Variants in NCLN observed in about 807,000 individuals in gnomAD.
NCLN encodes nicalin, also known as BOS complex subunit NCLN.
A neutral mutation model predicts 69.5 loss-of-function variants in NCLN; 34 were observed. The observed-to-expected ratio is 0.49, with a 90% confidence interval of 0.37 to 0.65. NCLN has a LOEUF of 0.65. NCLN is among the 30% of genes least tolerant of loss of function. NCLN has a pLI of 0.00. For missense variants in NCLN, 710 were observed against 804.8 expected, an observed-to-expected ratio of 0.88 and a Z score of 1.42; for synonymous variants, 393 against 358.3, an observed-to-expected ratio of 1.10 and a Z score of -1.09.
chr19:3,194,751 T>TC (rs991356838), intron 3 of NCLN, among the ~76,000 whole-genome samples: 11 of 151,230 alleles, frequency 7.3e-5, no homozygotes, highest in African/African-American at 2.7e-4. Flanking sequence ...CTTCTTTTTT[T>TC]TTTTTTTTTT....
intron 1 of NCLN, among the ~76,000 whole-genome samples, chr19:3,190,502 T>G (rs1376741508): frequency 6.6e-6 from 1 of 152,186 alleles, no homozygotes; most frequent in Non-Finnish European, 1.5e-5. Context: ...GACAGCACAT[T>G]GCTGGACACA....
At chr19:3,198,617 G>T (rs1916037281) in intron 4 of NCLN, among the ~76,000 whole-genome samples, 200 bp from the exon 5 acceptor site, 1 of 152,138 alleles carries the variant, frequency 6.6e-6, no homozygotes, top group African/African-American at 2.4e-5. Flanking sequence ...CCTGTTCCCG[G>T]CTCTACCTCC....
chr19:3,186,239 G>A, intron 1 of NCLN, 25 bp downstream of exon 1: 1 of 1,429,432 alleles, frequency 7.0e-7, no homozygotes, highest in East Asian at 3.0e-5. Context: ...CCCACCCTCG[G>A]GGCTCCCCGG....
rs148342909 is a variant in NCLN, at chr19:3,186,900, C to A, written c.184+686C>A. ...TTCTCGCTCTAGTCACCGGCCCCCA[C>A]GTCAAGGGCACATTTGTCCCCAGAC... is the stretch of plus-strand genomic sequence containing the variant. On this transcript the variant is annotated intron_variant, in intron 1 of 14. Coordinates refer to ENST00000246117, the MANE Select transcript of NCLN (RefSeq NM_020170.4). 1.1e-3 allele frequency among the ~76,000 whole-genome samples: 174 copies of A among 152,184 alleles called. 1 individual carries two copies. The highest frequency in any genetic ancestry group is 0.01 in the South Asian group (49 of 4,818).
chr19:3,199,482 G>A (rs971139110), intron 5 of NCLN, among the ~76,000 whole-genome samples: 8 of 152,332 alleles, frequency 5.3e-5, no homozygotes, highest in Middle Eastern at 3.4e-3. Flanking sequence ...TCCAGACTCC[G>A]GAGGGAAGCA....
Position 3,201,645 on chromosome 19 carries a change from A to C in NCLN, c.800+19A>C. 2.2e-5 allele frequency: 15 copies of C among 670,028 alleles called. No individual in the cohort carries two copies. The highest frequency in any genetic ancestry group is 5.1e-5 in the East Asian group (1 of 19,690). 41.5% of individuals were successfully genotyped at this position (670,028 alleles called of 1,614,324 possible). A position where few individuals can be genotyped will look rare whatever the true frequency, so the allele number is the denominator to read the frequency against. On this transcript the variant is annotated intron_variant, in intron 6 of 14. Transcript: ENST00000246117. ...ACGCCGCGTGAGTGCCGGGGTGGGC[A>C]GGGGGATGGGGGTGCGGGGGCCACA...
At chr19:3,201,427 G>A (rs538597349) in intron 5 of NCLN, 96 bp from the exon 6 acceptor site, 2 of 824,370 alleles carry the variant, frequency 2.4e-6, no homozygotes, top group South Asian at 3.2e-5. Context: ...TAGGGTGGGG[G>A]TGACGGAGAG....
At chr19:3,206,481 C>T (rs1916275804) in intron 12 of NCLN, 56 bp downstream of exon 12, 30 of 1,501,162 alleles carry the variant, frequency 2.0e-5, no homozygotes, top group Non-Finnish European at 2.6e-5. Flanking sequence ...GGGGACCTCC[C>T]CCTACTGCAT....
chr19:3,201,656 G>A (rs1371653534), intron 6 of NCLN, 30 bp downstream of exon 6: 4 of 1,445,624 alleles, frequency 2.8e-6, no homozygotes, highest in Non-Finnish European at 3.7e-6. Flanking sequence ...GGGGGATGGG[G>A]GTGCGGGGGC....
intron 5 of NCLN, among the ~76,000 whole-genome samples, chr19:3,200,312 A>T (rs867402685): frequency 0.012 from 1,568 of 126,828 alleles, 24 homozygotes; most frequent in Middle Eastern, 0.017. Flanking sequence ...TTATTTATGT[A>T]TTTTTTTTTT....
intron 4 of NCLN, among the ~76,000 whole-genome samples, chr19:3,198,061 C>T (rs1013385690): frequency 7.9e-5 from 12 of 152,206 alleles, no homozygotes; most frequent in Non-Finnish European, 1.3e-4. Flanking sequence ...TCTGCTGGCC[C>T]CCGGGCTAGA....
intron 4 of NCLN, among the ~76,000 whole-genome samples, chr19:3,198,194 C>G (rs927399585): frequency 2.6e-5 from 4 of 152,180 alleles, no homozygotes; most frequent in Non-Finnish European, 4.4e-5. Context: ...CTGAGGGGCT[C>G]AGCCCCGTTC....
rs1599360275 is a variant in NCLN, at chr19:3,206,316, C to T, written c.1390C>T (p.Arg464Trp). The stretch of plus-strand genomic sequence containing the variant: ...GATGGACTGGCTCACCAACCAGCCG[C>T]GGGCCGCGCAGCTGGTGGACAAGGA... ...SVMDWLTNQP[R>W]AAQLVDKDST... is the part of the protein sequence containing the mutation. Residue 464 changes from arginine to tryptophan, a missense_variant, in exon 12 of 15, where the codon CGG (arginine) becomes TGG (tryptophan). Physicochemically the swap from Arg to Trp is moderately radical, Grantham distance 101. Transcript: ENST00000246117. 7 of 1,548,276 alleles carry T rather than the reference C, an allele frequency of 4.5e-6. No individual in the cohort carries two copies. The highest frequency in any genetic ancestry group is 1.2e-5 in the South Asian group (1 of 83,980).
Position 3,204,613 on chromosome 19 carries a change from T to C in NCLN, c.1070T>C (p.Val357Ala), listed in dbSNP as rs1478129358. ...HQFPEVRFSMVHKRINLAEDV... is the reference protein window; with the variant it reads ...HQFPEVRFSMAHKRINLAEDV... ...TTCCCTGAGGTACGGTTCTCCATGGTGCACAAGCGGATCAACCTGGCGGAG... is the reference window on the plus strand; with the variant it reads ...TTCCCTGAGGTACGGTTCTCCATGGCGCACAAGCGGATCAACCTGGCGGAG... The change falls in exon 9 of 15, where the codon GTG (valine) becomes GCG (alanine). Residue 357 changes from valine to alanine, a missense_variant. Coordinates refer to ENST00000246117, the MANE Select transcript of NCLN (RefSeq NM_020170.4). 1 of 1,598,704 alleles carries C rather than the reference T, an allele frequency of 6.3e-7. No individual in the cohort carries two copies. Among genetic ancestry groups the C allele is most frequent in the Admixed American group, 1.8e-5 (1 of 57,132 alleles).
intron 1 of NCLN, among the ~76,000 whole-genome samples, chr19:3,187,024 C>T (rs1331978720): frequency 6.6e-6 from 1 of 152,188 alleles, no homozygotes; most frequent in Admixed American, 6.5e-5. Flanking sequence ...GTCCACTCGC[C>T]TGGGGTTCCC....
Position 3,192,486 on chromosome 19 carries a change from G to A in NCLN, c.201G>A (p.Val67=). 1.9e-6 allele frequency: 3 copies of A among 1,604,364 alleles called. No homozygotes were observed. The South Asian group carries it at 3.3e-5, about 18-fold the overall frequency. ...QGQPYGTRNA[V]LNTEARTMAA... ...TGCCCACAGGCACACGGAATGCAGTGCTGAACACGGAGGCGCGCACGATGG... is the reference window on the plus strand; with the variant it reads ...TGCCCACAGGCACACGGAATGCAGTACTGAACACGGAGGCGCGCACGATGG... The change falls in exon 2 of 15, where the codon GTG becomes GTA. Residue 67 remains valine, a synonymous_variant. Transcript: ENST00000246117.
At position 3,207,764 on chromosome 19, in the gene NCLN, CCGCCGCGGG is replaced by C; in HGVS notation, c.*79_*87del. ...CGAGCACGAGTGAGTGGACACTGCC[CCGCCGCGGG>C]CGGCCCTGCAGGGACAGGGGCCCTC... is the stretch of plus-strand genomic sequence containing the variant. On this transcript the variant is annotated 3_prime_UTR_variant, in exon 15 of 15. Coordinates refer to ENST00000246117, the MANE Select transcript of NCLN (RefSeq NM_020170.4). 7 of 1,350,944 alleles carry C rather than the reference CCGCCGCGGG, an allele frequency of 5.2e-6. No homozygotes were observed. The highest frequency in any genetic ancestry group is 7.4e-6 in the Non-Finnish European group (7 of 949,328). The allele number at this position is 1,350,944 out of a possible 1,614,324, so 83.7% of individuals were successfully genotyped here. A position where few individuals can be genotyped will look rare whatever the true frequency, so the allele number is the denominator to read the frequency against.
At chr19:3,191,323 G>C (rs775875675) in intron 1 of NCLN, among the ~76,000 whole-genome samples, 2 of 152,132 alleles carry the variant, frequency 1.3e-5, no homozygotes, top group African/African-American at 2.4e-5. Flanking sequence ...AGCGGTGACC[G>C]TGGGGAGCGC....
intron 1 of NCLN, among the ~76,000 whole-genome samples, chr19:3,188,833 G>A (rs994842779): frequency 5.3e-5 from 8 of 152,194 alleles, no homozygotes; most frequent in African/African-American, 7.2e-5. Flanking sequence ...TCCAGCTCTC[G>A]CAGGGTAGGC....
Sources: gnomAD v4.1 joint callset for allele counts (sites outside exome capture counted in the v4.1 genomes callset) on GRCh38, gnomAD v4.1.1 for gene constraint, MANE v1.5 for transcripts, NCBI Gene and HGNC (gene_info 2026-07-23, HGNC 2026-07-21) for gene names.